Variants in UHMK1 observed in about 807,000 individuals in gnomAD.
UHMK1 encodes serine/threonine-protein kinase Kist.
In UHMK1, 18 loss-of-function variants were observed where a neutral mutation model predicts 44.0. That is an observed-to-expected ratio of 0.41 (90% CI 0.28 to 0.61). The LOEUF (loss-of-function observed/expected upper bound fraction) is 0.61, where lower values mean the gene tolerates loss of function less well. Among genes scored for constraint, UHMK1 ranks in the 20% least tolerant of loss-of-function variants. UHMK1 has a pLI of 0.31. For missense variants in UHMK1, 463 were observed against 522.5 expected (o/e 0.89, Z 1.11); for synonymous variants, 231 against 198.5 (o/e 1.16, Z -1.38).
chr1:162,511,327 A>C (rs993989080), intron 4 of UHMK1, among the ~76,000 whole-genome samples: 2 of 141,822 alleles, frequency 1.4e-5, no homozygotes, highest in African/African-American at 5.3e-5. Flanking sequence ...CCACCACACC[A>C]GCTAATTTTT....
chr1:162,508,137 A>G (rs1651544085), intron 4 of UHMK1, among the ~76,000 whole-genome samples: 1 of 151,880 alleles, frequency 6.6e-6, no homozygotes, highest in African/African-American at 2.4e-5. Context: ...GGAGGAGAAG[A>G]CAAAGTCTCA....
intron 6 of UHMK1, 122 bp downstream of exon 6, chr1:162,512,945 A>C (rs1651718032): frequency 3.0e-6 from 3 of 985,606 alleles, no homozygotes; most frequent in East Asian, 2.7e-5. Context: ...TATGATCTCT[A>C]ATATACTCTC....
At chr1:162,517,417 A>G (rs1331326791) in intron 6 of UHMK1, among the ~76,000 whole-genome samples, 2 of 152,242 alleles carry the variant, frequency 1.3e-5, no homozygotes, top group Non-Finnish European at 2.9e-5. Flanking sequence ...AGTACTGGAC[A>G]TAGTATATAA....
intron 4 of UHMK1, among the ~76,000 whole-genome samples, chr1:162,506,087 A>G (rs1190376872): frequency 1.3e-5 from 2 of 152,188 alleles, no homozygotes; most frequent in Non-Finnish European, 2.9e-5. Context: ...TATCTGATTG[A>G]TATGAGATAT....
At chr1:162,509,740 C>G (rs1651603222) in intron 4 of UHMK1, among the ~76,000 whole-genome samples, 2 of 152,198 alleles carry the variant, frequency 1.3e-5, no homozygotes, top group African/African-American at 4.8e-5. Context: ...CTCCCAGGTT[C>G]AAGTGATTCT....
At chr1:162,502,508 C>G (rs1032021040) in intron 3 of UHMK1, among the ~76,000 whole-genome samples, 1 of 152,074 alleles carries the variant, frequency 6.6e-6, no homozygotes. Context: ...TGGTGCTAAT[C>G]CAGACATAGA....
Position 162,527,838 on chromosome 1 carries a change from T to G in UHMK1, c.*5288T>G, listed in dbSNP as rs1652303263. 6.6e-6 allele frequency: 1 copy of G among 151,510 alleles called. No homozygotes were observed. Among genetic ancestry groups the G allele is most frequent in the Non-Finnish European group, 1.5e-5 (1 of 67,906 alleles). The allele number at this position is 151,510 out of a possible 1,614,324, so 9.4% of individuals were successfully genotyped here. Reference sequence around the variant, plus strand: ...TATTTGTCTTATAAACCATTAATCGTTTTTTGTGCAGAAGAGAGCTTATTT... The same window carrying G: ...TATTTGTCTTATAAACCATTAATCGGTTTTTGTGCAGAAGAGAGCTTATTT... On this transcript the variant is annotated 3_prime_UTR_variant, in exon 8 of 8. Transcript: ENST00000489294.
intron 6 of UHMK1, among the ~76,000 whole-genome samples, chr1:162,514,137 A>G (rs986817560): frequency 1.3e-5 from 2 of 152,056 alleles, no homozygotes; most frequent in South Asian, 4.1e-4. Context: ...GGCTTAACAA[A>G]AATTAGCTGG....
chr1:162,522,418 T>C lies in UHMK1; in HGVS notation c.1128T>C (p.Tyr376=), dbSNP rs1479880391. ...TCTTCTTTCAGGTCTTTGTTGAGTA[T>C]GCAAATGCTGGTGATTCCAAAGCTG... is the stretch of plus-strand genomic sequence containing the variant. ...NPGRGQVFVE[Y]ANAGDSKAAQ... Residue 376 remains tyrosine, a synonymous_variant, in exon 8 of 8, where the codon TAT becomes TAC. Transcript: ENST00000489294. The C allele has an allele frequency of 1.9e-6, 3 of 1,614,048 alleles. No individual in the cohort carries two copies. The highest frequency in any genetic ancestry group is 1.7e-5 in the Admixed American group (1 of 59,996).
At chr1:162,502,171 A>T (rs1651295167) in intron 3 of UHMK1, among the ~76,000 whole-genome samples, 1 of 152,162 alleles carries the variant, frequency 6.6e-6, no homozygotes, top group South Asian at 2.1e-4. Flanking sequence ...ACTGTAGTTA[A>T]TTCCTAATTT....
rs902060966 is a variant in UHMK1 at position 162,522,633 on chromosome 1, C to A, written c.*83C>A. On this transcript the variant is annotated 3_prime_UTR_variant, in exon 8 of 8. Coordinates refer to ENST00000489294, the MANE Select transcript of UHMK1 (RefSeq NM_175866.5). The stretch of plus-strand genomic sequence containing the variant: ...ATATGAATGCAGGACTACCCCCTTA[C>A]CATTTTAAGAAGGTACTTTATACAT... 3 of 1,408,718 alleles carry A rather than the reference C, an allele frequency of 2.1e-6. No individual in the cohort carries two copies. The highest frequency in any genetic ancestry group is 2.9e-5 in the African/African-American group (2 of 69,432). 87.3% of individuals were successfully genotyped at this position (1,408,718 alleles called of 1,614,324 possible). A position where few individuals can be genotyped will look rare whatever the true frequency, so the allele number is the denominator to read the frequency against.
chr1:162,510,767 C>G (rs1651636590), intron 4 of UHMK1, among the ~76,000 whole-genome samples: 1 of 151,780 alleles, frequency 6.6e-6, no homozygotes, highest in African/African-American at 2.4e-5. Context: ...AGTGCTGCAA[C>G]AAACGTGGGC....
At chr1:162,520,360 A>T (rs1571019762) in intron 7 of UHMK1, among the ~76,000 whole-genome samples, 1 of 152,248 alleles carries the variant, frequency 6.6e-6, no homozygotes, top group South Asian at 2.1e-4. Context: ...AATATGTATA[A>T]TTGTATCCTT....
chr1:162,526,618 A>G lies in UHMK1; in HGVS notation c.*4068A>G, dbSNP rs1343085509. ...TGGAGTAACTTTTAGATTGAGTCAC[A>G]TATGATAGTATAAAAGTCCAAAATT... On this transcript the variant is annotated 3_prime_UTR_variant, in exon 8 of 8. Transcript: ENST00000489294. 6.6e-6 allele frequency: 1 copy of G among 152,140 alleles called. No homozygotes were observed. The highest frequency in any genetic ancestry group is 1.5e-5 in the Non-Finnish European group (1 of 67,992). The allele number at this position is 152,140 out of a possible 1,614,324, so 9.4% of individuals were successfully genotyped here. A position where few individuals can be genotyped will look rare whatever the true frequency, so the allele number is the denominator to read the frequency against.
chr1:162,499,348 T>C (rs140404419), intron 1 of UHMK1, among the ~76,000 whole-genome samples: 1 of 152,192 alleles, frequency 6.6e-6, no homozygotes, highest in Non-Finnish European at 1.5e-5. Context: ...TAATTTTTTG[T>C]AGAGAAGAGG....
chr1:162,497,383 T>A (rs1461151751), upstream of UHMK1: 7 of 663,866 alleles, frequency 1.1e-5, no homozygotes, highest in East Asian at 1.7e-4. Flanking sequence ...TCCATTCCGA[T>A]GGTTGGCGAC....
At position 162,526,149 on chromosome 1, in the gene UHMK1, CTTGT is replaced by C. The variant is rs1443477816; in HGVS notation, c.*3602_*3605del. ...GCACTTATCAGATGCTGTTTCATGG[CTTGT>C]TTTAGTTAATTTATCATGCAGATAA... On this transcript the variant is annotated 3_prime_UTR_variant, in exon 8 of 8. Coordinates refer to ENST00000489294, the MANE Select transcript of UHMK1 (RefSeq NM_175866.5). 1 of 151,956 alleles carries C rather than the reference CTTGT, an allele frequency of 6.6e-6. No individual in the cohort carries two copies. The highest frequency in any genetic ancestry group is 2.4e-5 in the African/African-American group (1 of 41,390). 9.4% of individuals were successfully genotyped at this position (151,956 alleles called of 1,614,324 possible).
chr1:162,520,980 G>A (rs1652034068), intron 7 of UHMK1, among the ~76,000 whole-genome samples: 1 of 152,068 alleles, frequency 6.6e-6, no homozygotes, highest in Non-Finnish European at 1.5e-5. Context: ...TGAGAGGAAA[G>A]TTGCTATTTT....
At chr1:162,513,054 G>GTGATTATCCCA (rs1308451841) in intron 6 of UHMK1, 1 of 383,992 alleles carries the variant, frequency 2.6e-6, no homozygotes, top group Non-Finnish European at 4.8e-6. Context: ...CTGGGTTCAA[G>GTGATTATCCCA]CCTCAGCCCC....
Sources: gnomAD v4.1 joint callset for allele counts (sites outside exome capture counted in the v4.1 genomes callset) on GRCh38, gnomAD v4.1.1 for gene constraint, MANE v1.5 for transcripts, NCBI Gene and HGNC (gene_info 2026-07-23, HGNC 2026-07-21) for gene names.